AP3B1: variants seen among roughly 807,000 people sequenced by gnomAD.
The protein encoded by AP3B1 is AP-3 complex subunit beta-1.
AP3B1 carries 61 observed loss-of-function variants against 132.5 expected under a neutral mutation model. That is an observed-to-expected ratio of 0.46 (90% CI 0.37 to 0.57). The LOEUF (loss-of-function observed/expected upper bound fraction) is 0.57, where lower values mean the gene tolerates loss of function less well. AP3B1 is among the 20% of genes least tolerant of loss of function. The probability of loss-of-function intolerance (pLI) is 0.00; values close to 1 mark genes in which losing one functional copy is unlikely to be tolerated. For synonymous variants in AP3B1, 388 were observed against 438.3 expected (o/e 0.89, Z 1.43); for missense variants, 1,120 against 1,289.4 (o/e 0.87, Z 2.01).
At chr5:78,032,811 A>G (rs1044722919) in intron 24 of AP3B1, among the ~76,000 whole-genome samples, 4 of 152,102 alleles carry the variant, frequency 2.6e-5, no homozygotes, top group African/African-American at 9.7e-5. Context: ...AACATTTTCT[A>G]TGTGAAATAC....
At position 78,163,749 on chromosome 5, in the gene AP3B1, T is replaced by G. The variant is rs143543204; in HGVS notation, c.1231-798A>C. On this transcript the variant is annotated intron_variant, in intron 12 of 26. Transcript: ENST00000255194. ...AGGAAGTTAAAATATCTTTATAAATTTTATAATGGCCCTAGAGAATTTCAC... is the reference window on the plus strand; with the variant it reads ...AGGAAGTTAAAATATCTTTATAAATGTTATAATGGCCCTAGAGAATTTCAC... Among the ~76,000 whole-genome samples, 1,090 of 151,550 alleles carry G rather than the reference T, an allele frequency of 7.2e-3. 10 individuals carry two copies. Among genetic ancestry groups the G allele is most frequent in the African/African-American group, 0.025 (1,040 of 41,438 alleles).
chr5:78,082,789 T>C (rs1750071399), intron 22 of AP3B1, among the ~76,000 whole-genome samples: 1 of 152,104 alleles, frequency 6.6e-6, no homozygotes, highest in South Asian at 2.1e-4. Flanking sequence ...TCCATTATGG[T>C]ATTATGACAT....
intron 9 of AP3B1, 52 bp downstream of exon 9, chr5:78,177,287 A>G (rs1042801864): frequency 1.0e-5 from 12 of 1,202,236 alleles, no homozygotes; most frequent in Non-Finnish European, 1.5e-5. Flanking sequence ...TTGTTCAAAC[A>G]TTACTTTTGA....
chr5:78,266,290 A>C (rs554584815), intron 2 of AP3B1, among the ~76,000 whole-genome samples: 1 of 152,206 alleles, frequency 6.6e-6, no homozygotes, highest in South Asian at 2.1e-4. Context: ...CTGCCCATAA[A>C]TACTCCTATG....
chr5:78,200,416 G>A (rs1745243718), intron 7 of AP3B1, among the ~76,000 whole-genome samples: 1 of 152,138 alleles, frequency 6.6e-6, no homozygotes, highest in Non-Finnish European at 1.5e-5. Context: ...CCAGCACTTT[G>A]GGAGGCTGAG....
intron 22 of AP3B1, among the ~76,000 whole-genome samples, chr5:78,048,729 C>A (rs1748450686): frequency 6.6e-6 from 1 of 152,180 alleles, no homozygotes; most frequent in Non-Finnish European, 1.5e-5. Flanking sequence ...TGCCCAGACA[C>A]ATTACTGTCC....
chr5:78,233,678 T>C (rs1323688482), intron 3 of AP3B1, among the ~76,000 whole-genome samples: 1 of 152,218 alleles, frequency 6.6e-6, no homozygotes, highest in Non-Finnish European at 1.5e-5. Context: ...AGAATTTAAA[T>C]GTGTAAGGCC....
At chr5:78,125,551 T>C (rs1157931837) in intron 17 of AP3B1, among the ~76,000 whole-genome samples, 7 of 152,154 alleles carry the variant, frequency 4.6e-5, no homozygotes, top group Non-Finnish European at 1.5e-5. Flanking sequence ...TTTTTTGTAT[T>C]GTAGCTGCAT....
intron 7 of AP3B1, among the ~76,000 whole-genome samples, chr5:78,215,749 T>C (rs1041888319): frequency 2.0e-5 from 3 of 152,178 alleles, no homozygotes; most frequent in Non-Finnish European, 2.9e-5. Flanking sequence ...AAAAAATCCA[T>C]GGTTTGGCAA....
chr5:78,171,904 A>T (rs573874458), intron 11 of AP3B1, among the ~76,000 whole-genome samples: 1 of 152,290 alleles, frequency 6.6e-6, no homozygotes, highest in East Asian at 1.9e-4. Flanking sequence ...TTATTTTGAG[A>T]TACATTCCAT....
intron 7 of AP3B1, among the ~76,000 whole-genome samples, chr5:78,190,646 T>A (rs992043825): frequency 2.6e-5 from 4 of 152,150 alleles, no homozygotes; most frequent in African/African-American, 9.7e-5. Flanking sequence ...CTTGTCTTGA[T>A]TTTTTTCCTT....
At chr5:78,004,975 C>G (rs1746331015) in intron 26 of AP3B1, among the ~76,000 whole-genome samples, 1 of 152,178 alleles carries the variant, frequency 6.6e-6, no homozygotes, top group African/African-American at 2.4e-5. Flanking sequence ...CTAAAATGAT[C>G]TCTCTTTTCT....
intron 14 of AP3B1, 119 bp from the exon 15 acceptor site, chr5:78,141,438 T>A: frequency 1.4e-6 from 1 of 733,930 alleles, no homozygotes; most frequent in Non-Finnish European, 2.2e-6. Flanking sequence ...AATGTATATC[T>A]AGGAATTAAT....
chr5:78,142,624 T>G (rs1236250619), intron 14 of AP3B1, among the ~76,000 whole-genome samples: 1 of 142,428 alleles, frequency 7.0e-6, no homozygotes, highest in East Asian at 1.9e-4. Flanking sequence ...CATTATGAAA[T>G]TATATAAAAA....
chr5:78,111,301 A>G (rs1391303795), intron 19 of AP3B1, among the ~76,000 whole-genome samples: 1 of 152,138 alleles, frequency 6.6e-6, no homozygotes, highest in African/African-American at 2.4e-5. Context: ...AACACCATTC[A>G]TTTGTTCACC....
At chr5:78,106,641 G>A (rs1176635775) in intron 20 of AP3B1, among the ~76,000 whole-genome samples, 1 of 152,114 alleles carries the variant, frequency 6.6e-6, no homozygotes, top group Admixed American at 6.5e-5. Flanking sequence ...ATTGGTCAGA[G>A]GATGACCAAT....
intron 2 of AP3B1, among the ~76,000 whole-genome samples, chr5:78,244,130 C>T (rs976421680): frequency 6.6e-6 from 1 of 152,252 alleles, no homozygotes; most frequent in African/African-American, 2.4e-5. Context: ...AGAAGAACTA[C>T]TGCCTGTAAT....
At chr5:78,020,930 G>T (rs1747065672) in intron 24 of AP3B1, 141 bp from the exon 25 acceptor site, 1 of 660,382 alleles carries the variant, frequency 1.5e-6, no homozygotes, top group South Asian at 1.8e-5. Context: ...AGCTAAAAAG[G>T]TTTAAACATT....
chr5:78,096,329 C>A (rs1354149455), intron 21 of AP3B1, among the ~76,000 whole-genome samples: 1 of 152,198 alleles, frequency 6.6e-6, no homozygotes, highest in Non-Finnish European at 1.5e-5. Flanking sequence ...GGTGCCCAGG[C>A]TGGAGTGCAG....
Sources: allele counts gnomAD v4.1 joint callset (sites outside exome capture counted in the v4.1 genomes callset), GRCh38; gene constraint gnomAD v4.1.1; transcripts MANE v1.5; gene names NCBI Gene and HGNC (gene_info 2026-07-23, HGNC 2026-07-21).